Variants in CAP2 observed in about 807,000 individuals in gnomAD.
CAP2 encodes the protein adenylyl cyclase-associated protein 2.
CAP2 carries 24 observed loss-of-function variants against 57.7 expected under a neutral mutation model. That is an observed-to-expected ratio of 0.42 (90% CI 0.30 to 0.58). The LOEUF (loss-of-function observed/expected upper bound fraction) is 0.58. Among genes scored for constraint, CAP2 ranks in the 20% least tolerant of loss-of-function variants. The probability of loss-of-function intolerance (pLI) is 0.22; values close to 1 mark genes in which losing one functional copy is unlikely to be tolerated. For synonymous variants in CAP2, 194 were observed against 207.2 expected (o/e 0.94, Z 0.55); for missense variants, 501 against 590.3 (o/e 0.85, Z 1.57).
At chr6:17,408,994 C>T (rs901135870) in intron 1 of CAP2, among the ~76,000 whole-genome samples, 13 of 151,016 alleles carry the variant, frequency 8.6e-5, no homozygotes, top group African/African-American at 2.7e-4. Context: ...CTTATGCTTT[C>T]AGTCCATGGT....
intron 2 of CAP2, 75 bp downstream of exon 2, chr6:17,421,751 A>G: frequency 6.5e-7 from 1 of 1,547,060 alleles, no homozygotes; most frequent in East Asian, 2.3e-5. Flanking sequence ...TTCACTCTCA[A>G]GGAACATTTC....
At chr6:17,483,265 A>G (rs967126637) in intron 4 of CAP2, among the ~76,000 whole-genome samples, 5 of 152,244 alleles carry the variant, frequency 3.3e-5, no homozygotes, top group Non-Finnish European at 7.3e-5. Flanking sequence ...AGGAGGGATT[A>G]CCATCTGTAA....
intron 7 of CAP2, among the ~76,000 whole-genome samples, chr6:17,515,214 G>A (rs1762248139): frequency 6.6e-6 from 1 of 151,804 alleles, no homozygotes; most frequent in Non-Finnish European, 1.5e-5. Context: ...AAAAAAATGT[G>A]TGATAGAAAT....
chr6:17,437,702 C>A (rs1759932565), intron 3 of CAP2, among the ~76,000 whole-genome samples: 1 of 151,910 alleles, frequency 6.6e-6, no homozygotes, highest in African/African-American at 2.4e-5. Flanking sequence ...CACGGTGAAA[C>A]CCTGTCTCTA....
chr6:17,489,774 G>A (rs145231657), intron 4 of CAP2, among the ~76,000 whole-genome samples: 28 of 152,012 alleles, frequency 1.8e-4, no homozygotes, highest in Non-Finnish European at 3.8e-4. Context: ...TCCCAGTCTG[G>A]AGCTGGGAAA....
chr6:17,428,282 A>G (rs1409815010), intron 3 of CAP2, among the ~76,000 whole-genome samples: 2 of 152,224 alleles, frequency 1.3e-5, no homozygotes, highest in Non-Finnish European at 2.9e-5. Context: ...AAAAAATATT[A>G]GCATCATCTC....
intron 7 of CAP2, among the ~76,000 whole-genome samples, chr6:17,534,815 C>T (rs935453438): frequency 6.6e-6 from 1 of 152,144 alleles, no homozygotes; most frequent in African/African-American, 2.4e-5. Flanking sequence ...AATGAAATCA[C>T]CCTGAGGGGT....
rs916817187 is a variant in CAP2, at chr6:17,507,523, T to A, written c.445-118T>A. ...TTTTATCAACCTTTACAGAGCAACA[T>A]GTGCCTCCCACTTTCAAGTCCACGC... On this transcript the variant is annotated intron_variant, in intron 5 of 12. Transcript: ENST00000229922. 30 of 795,876 alleles carry A rather than the reference T, an allele frequency of 3.8e-5. No individual in the cohort carries two copies. The Admixed American group carries it at 6.4e-4, about 17-fold the overall frequency. 49.3% of individuals were successfully genotyped at this position (795,876 alleles called of 1,614,324 possible). A position where few individuals can be genotyped will look rare whatever the true frequency, so the allele number is the denominator to read the frequency against.
At chr6:17,398,842 A>G (rs1758737250) in intron 1 of CAP2, among the ~76,000 whole-genome samples, 1 of 152,072 alleles carries the variant, frequency 6.6e-6, no homozygotes, top group South Asian at 2.1e-4. Context: ...AACATTTTTA[A>G]GCATACTATT....
At chr6:17,410,143 C>T (rs1759100173) in intron 1 of CAP2, among the ~76,000 whole-genome samples, 1 of 152,202 alleles carries the variant, frequency 6.6e-6, no homozygotes, top group Admixed American at 6.5e-5. Flanking sequence ...TGGTTCTTAT[C>T]ATAACTTTGG....
At chr6:17,444,443 C>T (rs1378847547) in intron 3 of CAP2, among the ~76,000 whole-genome samples, 3 of 151,986 alleles carry the variant, frequency 2.0e-5, no homozygotes, top group Admixed American at 2.0e-4. Flanking sequence ...TAGAGACCAT[C>T]CTGGCCAACA....
intron 4 of CAP2, among the ~76,000 whole-genome samples, chr6:17,504,439 C>G (rs1388774779): frequency 6.6e-6 from 1 of 152,180 alleles, no homozygotes; most frequent in Non-Finnish European, 1.5e-5. Context: ...CTTCTAACAC[C>G]TTTCCCTAGT....
chr6:17,521,258 C>T (rs1451138027), intron 7 of CAP2, among the ~76,000 whole-genome samples: 2 of 147,538 alleles, frequency 1.4e-5, no homozygotes, highest in Non-Finnish European at 3.0e-5. Context: ...ACTAAAAATA[C>T]AAAAAAAAAA....
chr6:17,514,074 A>G, intron 7 of CAP2, 120 bp downstream of exon 7: 1 of 706,930 alleles, frequency 1.4e-6, no homozygotes, highest in East Asian at 2.7e-5. Context: ...TTAAATGTCC[A>G]TGTGGAGGGC....
At chr6:17,436,090 C>CTTTCTTTCTTTCTTTCTTTCTTTCT (rs1561782691) in intron 3 of CAP2, among the ~76,000 whole-genome samples, 8 of 63,980 alleles carry the variant, frequency 1.3e-4, no homozygotes, top group African/African-American at 2.3e-4. Context: ...TCTTTCTTTC[C>CTTTCTTTCTTTCTTTCTTTCTTTCT]TTCCTTCCTT....
chr6:17,465,227 C>G (rs187613084), intron 4 of CAP2, among the ~76,000 whole-genome samples: 4 of 152,100 alleles, frequency 2.6e-5, no homozygotes, highest in Admixed American at 2.6e-4. Context: ...TGCTCTTGCT[C>G]TGTCACCAAG....
intron 1 of CAP2, among the ~76,000 whole-genome samples, chr6:17,413,274 C>G (rs1283865032): frequency 1.3e-5 from 2 of 152,066 alleles, no homozygotes; most frequent in East Asian, 3.9e-4. Context: ...CTGATTACAC[C>G]ATCTCAAAAA....
chr6:17,461,788 C>A (rs1339219747), intron 3 of CAP2, among the ~76,000 whole-genome samples: 2 of 149,714 alleles, frequency 1.3e-5, no homozygotes, highest in East Asian at 2.0e-4. Context: ...GTCAGGAGAT[C>A]GAGACCATCC....
At chr6:17,521,143 A>G (rs1762382976) in intron 7 of CAP2, among the ~76,000 whole-genome samples, 1 of 152,170 alleles carries the variant, frequency 6.6e-6, no homozygotes, top group Non-Finnish European at 1.5e-5. Flanking sequence ...GGCTGGGCGC[A>G]GTGGCTCATG....
Sources: allele counts gnomAD v4.1 joint callset (sites outside exome capture counted in the v4.1 genomes callset), GRCh38; gene constraint gnomAD v4.1.1; transcripts MANE v1.5; gene names NCBI Gene and HGNC (gene_info 2026-07-23, HGNC 2026-07-21).